Variants in DOCK3 observed in about 807,000 individuals in gnomAD.
DOCK3 encodes the protein dedicator of cytokinesis protein 3.
In DOCK3, 60 loss-of-function variants were observed where a neutral mutation model predicts 265.6. The observed-to-expected ratio is 0.23, with a 90% CI of 0.18 to 0.28. The LOEUF is 0.28. Ranked by LOEUF, DOCK3 falls within the 10% of genes least tolerant of loss-of-function variation. DOCK3 has a pLI of 1.00. For missense variants in DOCK3, 1,981 were observed against 2,594.3 expected (o/e 0.76, Z 5.14); for synonymous variants, 881 against 938.0 (o/e 0.94, Z 1.11).
intron 5 of DOCK3, among the ~76,000 whole-genome samples, chr3:50,934,301 G>T (rs1219175959): frequency 6.6e-6 from 1 of 152,114 alleles, no homozygotes. Context: ...ACTGGAATAT[G>T]TTACATAACA....
chr3:51,086,937 T>C (rs1338458748), intron 7 of DOCK3, among the ~76,000 whole-genome samples: 1 of 152,140 alleles, frequency 6.6e-6, no homozygotes, highest in Non-Finnish European at 1.5e-5. Flanking sequence ...AGAAATGAAA[T>C]GCTTGAATAG....
intron 4 of DOCK3, among the ~76,000 whole-genome samples, chr3:50,915,885 G>A (rs562900281): frequency 5.3e-4 from 81 of 151,990 alleles, no homozygotes; most frequent in African/African-American, 1.7e-3. Flanking sequence ...AGGTAGAGTC[G>A]CCCCATCTTT....
At chr3:50,815,464 C>CTTAA (rs1250068840) in intron 2 of DOCK3, among the ~76,000 whole-genome samples, 6 of 152,194 alleles carry the variant, frequency 3.9e-5, no homozygotes, top group Admixed American at 3.9e-4. Context: ...TTGTACCTCA[C>CTTAA]TTCATAATCA....
intron 1 of DOCK3, among the ~76,000 whole-genome samples, chr3:50,701,416 A>C (rs1268133598): frequency 1.3e-5 from 2 of 152,144 alleles, no homozygotes; most frequent in Non-Finnish European, 1.5e-5. Flanking sequence ...GCTGTTGCCC[A>C]GCTTGCTGCC....
At chr3:50,978,041 T>C (rs1259886296) in intron 5 of DOCK3, among the ~76,000 whole-genome samples, 1 of 152,108 alleles carries the variant, frequency 6.6e-6, no homozygotes, top group Non-Finnish European at 1.5e-5. Context: ...AGTTATACCT[T>C]CTTCTAAATT....
At chr3:51,314,896 T>G in intron 31 of DOCK3, 84 bp from the exon 32 acceptor site, 1 of 1,439,904 alleles carries the variant, frequency 6.9e-7, no homozygotes, top group Non-Finnish European at 9.2e-7. Flanking sequence ...CAGTATGGAT[T>G]GTAGCATGTG....
intron 27 of DOCK3, among the ~76,000 whole-genome samples, chr3:51,283,161 T>C (rs910588270): frequency 5.3e-5 from 8 of 152,084 alleles, no homozygotes; most frequent in African/African-American, 1.9e-4. Flanking sequence ...AGGAGACCCA[T>C]TGAAAGATCC....
intron 5 of DOCK3, among the ~76,000 whole-genome samples, chr3:51,053,979 A>T (rs1157317352): frequency 1.3e-4 from 19 of 151,596 alleles, no homozygotes. Context: ...TCCTGCATGG[A>T]CTCTGCCACC....
intron 1 of DOCK3, among the ~76,000 whole-genome samples, chr3:50,744,190 C>T (rs1025165318): frequency 1.3e-5 from 2 of 152,156 alleles, no homozygotes; most frequent in South Asian, 4.1e-4. Flanking sequence ...CATTATAAGA[C>T]ATATGATTTA....
intron 4 of DOCK3, among the ~76,000 whole-genome samples, chr3:50,931,352 T>C (rs2051058245): frequency 6.6e-6 from 1 of 152,218 alleles, no homozygotes; most frequent in South Asian, 2.1e-4. Context: ...TTAGATGTTA[T>C]AGTTAATGTC....
intron 22 of DOCK3, among the ~76,000 whole-genome samples, chr3:51,249,912 T>C (rs1050905986): frequency 8.9e-4 from 134 of 149,970 alleles, no homozygotes; most frequent in African/African-American, 3.1e-3. Flanking sequence ...GGGAGACTTT[T>C]CATTTTGTTC....
At chr3:50,960,365 A>G (rs371802082) in intron 5 of DOCK3, among the ~76,000 whole-genome samples, 14 of 151,916 alleles carry the variant, frequency 9.2e-5, no homozygotes, top group African/African-American at 3.4e-4. Flanking sequence ...AACTCTTATC[A>G]TTGTCTCCCT....
intron 3 of DOCK3, among the ~76,000 whole-genome samples, chr3:50,870,704 A>G (rs796258621): frequency 7.3e-5 from 11 of 150,412 alleles, no homozygotes; most frequent in Non-Finnish European, 1.0e-4. Context: ...TTTCCATTCT[A>G]TCTTCTTTTT....
chr3:50,958,828 A>G (rs1262308754), intron 5 of DOCK3, among the ~76,000 whole-genome samples: 3 of 152,160 alleles, frequency 2.0e-5, no homozygotes, highest in Non-Finnish European at 2.9e-5. Context: ...AGCCCCCCCA[A>G]ATGAAATGGA....
At chr3:51,251,674 G>C (rs2079249118) in intron 22 of DOCK3, among the ~76,000 whole-genome samples, 1 of 152,160 alleles carries the variant, frequency 6.6e-6, no homozygotes, top group Admixed American at 6.5e-5. Context: ...GTCTTCTTTT[G>C]AGAAGTGTCT....
intron 9 of DOCK3, among the ~76,000 whole-genome samples, chr3:51,113,547 A>T (rs2083608570): frequency 6.6e-6 from 1 of 152,190 alleles, no homozygotes; most frequent in Non-Finnish European, 1.5e-5. Flanking sequence ...CTGACTCCAG[A>T]GCTGCTGACA....
chr3:50,743,681 T>C (rs1301805112), intron 1 of DOCK3, among the ~76,000 whole-genome samples: 1 of 152,178 alleles, frequency 6.6e-6, no homozygotes, highest in Non-Finnish European at 1.5e-5. Context: ...AGCACCCAGA[T>C]TCATAAAGCA....
chr3:50,967,827 G>T (rs2077077444), intron 5 of DOCK3, among the ~76,000 whole-genome samples: 1 of 152,294 alleles, frequency 6.6e-6, no homozygotes, highest in South Asian at 2.1e-4. Context: ...CCCATGACAT[G>T]TGGGGATTAT....
At chr3:50,786,578 A>G in intron 2 of DOCK3, 1 of 536,190 alleles carries the variant, frequency 1.9e-6, no homozygotes, top group Non-Finnish European at 3.6e-6. Flanking sequence ...GCTGTGCTGA[A>G]CTGTTCTTCT....
Sources: allele counts gnomAD v4.1 joint callset (sites outside exome capture counted in the v4.1 genomes callset), GRCh38; gene constraint gnomAD v4.1.1; transcripts MANE v1.5; gene names NCBI Gene and HGNC (gene_info 2026-07-23, HGNC 2026-07-21).